TIAM2: variants seen among roughly 807,000 people sequenced by gnomAD.
TIAM2 encodes rho guanine nucleotide exchange factor TIAM2.
A neutral mutation model predicts 152.9 loss-of-function variants in TIAM2; 80 were observed. The observed-to-expected ratio is 0.52, with a 90% CI of 0.44 to 0.63. The LOEUF (loss-of-function observed/expected upper bound fraction) is 0.63. TIAM2 is among the 30% of genes least tolerant of loss of function. The pLI is 0.00. For missense variants in TIAM2, 1,965 were observed against 2,120.1 expected (o/e 0.93, Z 1.44); for synonymous variants, 804 against 838.0 (o/e 0.96, Z 0.70).
intron 2 of TIAM2, among the ~76,000 whole-genome samples, chr6:155,125,466 AT>A (rs766862130): frequency 5.6e-4 from 86 of 152,300 alleles, no homozygotes; most frequent in Admixed American, 1.2e-3. Context: ...ATGTGGAGGA[AT>A]TGGAACTCTG....
At chr6:155,016,651 A>T (rs1326415151) in intron 1 of TIAM2, among the ~76,000 whole-genome samples, 1 of 145,354 alleles carries the variant, frequency 6.9e-6, no homozygotes, top group Non-Finnish European at 1.5e-5. Flanking sequence ...GTAATCCCAG[A>T]ACTTTAGGAG....
intron 7 of TIAM2, among the ~76,000 whole-genome samples, chr6:155,154,888 G>A (rs745988744): frequency 3.3e-5 from 5 of 152,168 alleles, no homozygotes; most frequent in African/African-American, 1.2e-4. Context: ...TAAAGAGGAC[G>A]GATTGCGTTT....
At chr6:155,138,225 G>T (rs1412572067) in intron 5 of TIAM2, among the ~76,000 whole-genome samples, 1 of 152,100 alleles carries the variant, frequency 6.6e-6, no homozygotes, top group Non-Finnish European at 1.5e-5. Flanking sequence ...ATTTTCGCTG[G>T]ATTTGGAGAA....
intron 2 of TIAM2, among the ~76,000 whole-genome samples, chr6:155,093,766 C>T (rs183381138): frequency 5.9e-5 from 9 of 152,296 alleles, no homozygotes; most frequent in East Asian, 3.9e-4. Context: ...ATGGCCTCTG[C>T]GGCCCTTTTC....
At chr6:155,209,413 A>G (rs1345579305) in intron 14 of TIAM2, among the ~76,000 whole-genome samples, 1 of 152,178 alleles carries the variant, frequency 6.6e-6, no homozygotes, top group Non-Finnish European at 1.5e-5. Context: ...AGGTATACAC[A>G]TCAGAGAAAG....
At chr6:155,165,503 T>A in intron 9 of TIAM2, 94 bp downstream of exon 9, 1 of 1,495,022 alleles carries the variant, frequency 6.7e-7, no homozygotes. Context: ...TCATTCTCTG[T>A]TAAGAATGAA....
intron 2 of TIAM2, among the ~76,000 whole-genome samples, chr6:155,122,928 A>G (rs1779206106): frequency 6.6e-6 from 1 of 151,454 alleles, no homozygotes; most frequent in African/African-American, 2.4e-5. Context: ...TCTATTAACT[A>G]AAATAGTTTT....
intron 1 of TIAM2, among the ~76,000 whole-genome samples, chr6:155,009,314 C>T (rs1778449415): frequency 6.6e-6 from 1 of 151,776 alleles, no homozygotes; most frequent in Admixed American, 6.6e-5. Context: ...GTTGCCCAGT[C>T]TGGTCTTGAA....
Position 155,214,339 on chromosome 6 carries a change from A to G in TIAM2, c.3168+3032A>G, listed in dbSNP as rs1781801218. Among the ~76,000 whole-genome samples the G allele has an allele frequency of 6.6e-6, 1 of 152,188 alleles. No homozygotes were observed. The highest frequency in any genetic ancestry group is 2.4e-5 in the African/African-American group (1 of 41,458). On this transcript the variant is annotated intron_variant, in intron 15 of 26. Transcript: ENST00000682666. This position sits in a 1 kb window ranked among gnomAD's most constrained non-coding sequence, Gnocchi z 5.4. Reference sequence around the variant, plus strand: ...ACATCCTTTGGAGGAACCATGTGGCATACCTTTTGGGGGTTGGTGACATCC... The same window carrying G: ...ACATCCTTTGGAGGAACCATGTGGCGTACCTTTTGGGGGTTGGTGACATCC...
intron 5 of TIAM2, among the ~76,000 whole-genome samples, chr6:155,138,050 G>A (rs777512068): frequency 6.6e-6 from 1 of 152,116 alleles, no homozygotes; most frequent in African/African-American, 2.4e-5. Flanking sequence ...ATGTTGACCA[G>A]GCTGCTCTCA....
At chr6:155,188,994 G>C (rs1019775591) in intron 14 of TIAM2, among the ~76,000 whole-genome samples, 1 of 152,124 alleles carries the variant, frequency 6.6e-6, no homozygotes, top group African/African-American at 2.4e-5. Context: ...CGCCCCCTTT[G>C]AATCATTCTT....
At chr6:155,105,018 G>A (rs545731462) in intron 2 of TIAM2, among the ~76,000 whole-genome samples, 47 of 152,054 alleles carry the variant, frequency 3.1e-4, no homozygotes, top group Non-Finnish European at 5.6e-4. Flanking sequence ...GTGCAGTGGT[G>A]CAGTCATGGC....
At chr6:155,224,379 G>A (rs2115249896) in intron 15 of TIAM2, among the ~76,000 whole-genome samples, 1 of 152,170 alleles carries the variant, frequency 6.6e-6, no homozygotes, top group East Asian at 1.9e-4. Context: ...GTTGAGGGAG[G>A]AGGGGTCATG....
At chr6:155,197,776 G>A (rs1485434755) in intron 14 of TIAM2, among the ~76,000 whole-genome samples, 3 of 152,038 alleles carry the variant, frequency 2.0e-5, no homozygotes, top group African/African-American at 4.8e-5. Flanking sequence ...GTTTGAACTC[G>A]CTGTCACCAG....
chr6:155,199,402 C>T (rs1353421526), intron 14 of TIAM2, among the ~76,000 whole-genome samples: 1 of 152,096 alleles, frequency 6.6e-6, no homozygotes, highest in Non-Finnish European at 1.5e-5. Flanking sequence ...TCTATATCAC[C>T]AGTATAGGCC....
At chr6:155,026,183 G>T (rs114417901) in intron 1 of TIAM2, among the ~76,000 whole-genome samples, 2,150 of 152,178 alleles carry the variant, frequency 0.014, 53 homozygotes, top group African/African-American at 0.049. Context: ...GATAAAAAAA[G>T]AACTTCTAAT....
intron 1 of TIAM2, among the ~76,000 whole-genome samples, chr6:155,084,579 G>A (rs1778139089): frequency 6.6e-6 from 1 of 151,558 alleles, no homozygotes; most frequent in South Asian, 2.1e-4. Context: ...CTTCTAGCTG[G>A]CCATTGATTT....
Position 155,148,299 on chromosome 6 carries a change from A to C in TIAM2, c.1993A>C (p.Ser665Arg). The part of the protein sequence containing the change: ...KMAELQLSVV[S>R]DPKNRKAIEN... ...GGCAGAGCTGCAGCTGTCCGTGGTG[A>C]GCGACCCAAAGAACAGGAAAGCCAT... is the stretch of plus-strand genomic sequence containing the variant. The change falls in exon 7 of 27, where the codon AGC becomes CGC. Residue 665 changes from serine (S) to arginine (R), a missense_variant. Coordinates refer to ENST00000682666, the MANE Select transcript of TIAM2 (RefSeq NM_012454.4). The C allele has an allele frequency of 6.2e-7, 1 of 1,612,212 alleles. No individual in the cohort carries two copies. Among genetic ancestry groups the C allele is most frequent in the East Asian group, 2.2e-5 (1 of 44,878 alleles).
At position 155,185,123 on chromosome 6, in the gene TIAM2, C is replaced by CTTTTTTTTTTT. The variant is rs11404301; in HGVS notation, c.3064+1636_3064+1646dup. ...AAAGTAGAGAAAGGGGCAAATTTACCTTTTTTTTTTTTTTTTTTTTTTTGA... is the reference window on the plus strand; with the variant it reads ...AAAGTAGAGAAAGGGGCAAATTTACCTTTTTTTTTTTTTTTTTTTTTTTTTTTTTTTTTTGA... On this transcript the variant is annotated intron_variant, in intron 14 of 26. Coordinates refer to ENST00000682666, the MANE Select transcript of TIAM2 (RefSeq NM_012454.4). Among the ~76,000 whole-genome samples the CTTTTTTTTTTT allele has an allele frequency of 1.0e-3, 94 of 92,404 alleles. 3 individuals carry two copies. Among genetic ancestry groups the CTTTTTTTTTTT allele is most frequent in the African/African-American group, 3.7e-3 (85 of 22,738 alleles). The allele number at this position is 92,404 out of a possible 152,430, so 60.6% of individuals were successfully genotyped here. A position where few individuals can be genotyped will look rare whatever the true frequency, so the allele number is the denominator to read the frequency against.
Sources: gnomAD v4.1 joint callset for allele counts (sites outside exome capture counted in the v4.1 genomes callset) on GRCh38, gnomAD v4.1.1 for gene constraint, Gnocchi (gnomAD v3.1) non-coding constraint, MANE v1.5 for transcripts, NCBI Gene and HGNC (gene_info 2026-07-23, HGNC 2026-07-21) for gene names.